Variants in APC observed in about 807,000 individuals in gnomAD.
APC encodes the protein adenomatous polyposis coli protein.
A neutral mutation model predicts 247.0 loss-of-function variants in APC; 72 were observed. The observed-to-expected ratio is 0.29, with a 90% CI of 0.24 to 0.35. The LOEUF (loss-of-function observed/expected upper bound fraction) is 0.35, where lower values mean the gene tolerates loss of function less well. APC is among the 10% of genes least tolerant of loss of function. APC has a pLI of 1.00. For missense variants in APC, 3,400 were observed against 3,360.7 expected, an observed-to-expected ratio of 1.01 and a Z score of -0.29; for synonymous variants, 1,254 against 1,162.5, an observed-to-expected ratio of 1.08 and a Z score of -1.60.
At chr5:112,738,739 TA>T (rs1473155869) in intron 1 of APC, among the ~76,000 whole-genome samples, 1 of 152,200 alleles carries the variant, frequency 6.6e-6, no homozygotes, top group Non-Finnish European at 1.5e-5. Flanking sequence ...CCATAGTTTA[TA>T]AATGCAGCCT....
intron 1 of APC, among the ~76,000 whole-genome samples, chr5:112,732,652 T>A (rs191218506): frequency 6.6e-6 from 1 of 152,266 alleles, no homozygotes; most frequent in African/African-American, 2.4e-5. Flanking sequence ...ATATACACCA[T>A]GAGATATGAG....
rs878853424 is a variant in APC, at chr5:112,837,814, C to T, written c.2220C>T (p.Ala740=). ...ATAGGCCTGCGAAGTACAAGGATGC[C>T]AATATTATGTCTCCTGGCTCAAGCT... The part of the protein sequence containing the change: ...MANRPAKYKD[A]NIMSPGSSLP... Residue 740 remains alanine, a synonymous_variant, in exon 16 of 16, where the codon GCC becomes GCT. Transcript: ENST00000257430. 1 of 1,613,900 alleles carries T rather than the reference C, an allele frequency of 6.2e-7. No individual in the cohort carries two copies. The highest frequency in any genetic ancestry group is 8.5e-7 in the Non-Finnish European group (1 of 1,180,010).
chr5:112,776,608 A>G (rs1367184983), intron 5 of APC, among the ~76,000 whole-genome samples: 1 of 152,114 alleles, frequency 6.6e-6, no homozygotes, highest in Non-Finnish European at 1.5e-5. Flanking sequence ...GAGGCTGAGA[A>G]AGGTGGATCA....
chr5:112,837,128 A>T (rs545740420), intron 15 of APC, among the ~76,000 whole-genome samples: 1 of 152,214 alleles, frequency 6.6e-6, no homozygotes, highest in Non-Finnish European at 1.5e-5. Context: ...TCTTCAATCA[A>T]TTCTATCTAC....
upstream of APC, among the ~76,000 whole-genome samples, chr5:112,735,498 TAC>T (rs1024227739): frequency 1.9e-5 from 2 of 104,750 alleles, no homozygotes; most frequent in African/African-American, 6.8e-5. Flanking sequence ...TTTTAATGCA[TAC>T]ATATATATAT....
chr5:112,737,137 T>G (rs1752441162), upstream of APC, among the ~76,000 whole-genome samples: 1 of 152,238 alleles, frequency 6.6e-6, no homozygotes, highest in Admixed American at 6.5e-5. Flanking sequence ...AAGCCTCAGA[T>G]TTGTAGTAGC....
chr5:112,829,131 C>A, intron 14 of APC, 159 bp downstream of exon 14: 1 of 584,128 alleles, frequency 1.7e-6, no homozygotes, highest in Non-Finnish European at 3.1e-6. Flanking sequence ...CTTCTTTTAG[C>A]CATGAGATTC....
intron 7 of APC, among the ~76,000 whole-genome samples, chr5:112,794,782 C>T (rs1760022561): frequency 6.6e-6 from 1 of 152,182 alleles, no homozygotes; most frequent in African/African-American, 2.4e-5. Context: ...CAGTGTGTTA[C>T]AAATTCCAGG....
At chr5:112,783,249 A>G (rs1758546968) in intron 6 of APC, among the ~76,000 whole-genome samples, 1 of 152,208 alleles carries the variant, frequency 6.6e-6, no homozygotes, top group Admixed American at 6.5e-5. Context: ...TGTTCACATA[A>G]GCGCTGATAC....
intron 8 of APC, among the ~76,000 whole-genome samples, chr5:112,803,323 A>G (rs1276415708): frequency 6.6e-6 from 1 of 152,184 alleles, no homozygotes; most frequent in Non-Finnish European, 1.5e-5. Flanking sequence ...ACATGTTTGA[A>G]GAGATTCATC....
In APC at chr5:112,840,887, T is replaced by G. The variant is rs1765914724; in HGVS notation, c.5293T>G (p.Leu1765Val). Residue 1765 changes from leucine to valine, a missense_variant, in exon 16 of 16, where the codon TTA (leucine) becomes GTA (valine). Around this residue, in one of 9 missense-constraint regions of APC, gnomAD observed 1,788 missense variants for 1,649.5 expected, o/e 1.08. Transcript: ENST00000257430. The surrounding 1 kb of genome is among the most constrained non-coding windows in gnomAD (Gnocchi z 4.1). ...ASSSAPNKNQ[L>V]DGKKKKPTSP... Reference sequence around the variant, plus strand: ...TTCTTCTGCACCCAACAAAAATCAGTTAGATGGTAAGAAAAAGAAACCAAC... The same window carrying G: ...TTCTTCTGCACCCAACAAAAATCAGGTAGATGGTAAGAAAAAGAAACCAAC... 6.2e-7 allele frequency: 1 copy of G among 1,613,806 alleles called. No homozygotes were observed. The highest frequency in any genetic ancestry group is 1.1e-5 in the South Asian group (1 of 91,078).
chr5:112,772,302 T>C (rs1051940068), intron 4 of APC, among the ~76,000 whole-genome samples: 1 of 152,206 alleles, frequency 6.6e-6, no homozygotes, highest in Non-Finnish European at 1.5e-5. Context: ...TATGAACTGC[T>C]GTTGTGTGAG....
At chr5:112,744,619 T>TAA (rs1395194368) in intron 1 of APC, among the ~76,000 whole-genome samples, 3 of 152,124 alleles carry the variant, frequency 2.0e-5, no homozygotes, top group Non-Finnish European at 4.4e-5. Context: ...AGCTGGGCCT[T>TAA]AAAGGATGAG....
intron 1 of APC, among the ~76,000 whole-genome samples, chr5:112,720,447 A>C (rs1277324105): frequency 6.6e-6 from 1 of 152,230 alleles, no homozygotes; most frequent in African/African-American, 2.4e-5. Context: ...TGAGGTGGAC[A>C]GAGAATTTTA....
At chr5:112,794,328 G>A (rs543267585) in intron 7 of APC, among the ~76,000 whole-genome samples, 2 of 152,290 alleles carry the variant, frequency 1.3e-5, no homozygotes, top group South Asian at 4.1e-4. Flanking sequence ...CAATCTGCCT[G>A]TCTTGGCCTT....
chr5:112,830,517 C>G (rs1040964623), intron 14 of APC, among the ~76,000 whole-genome samples: 1 of 152,208 alleles, frequency 6.6e-6, no homozygotes, highest in African/African-American at 2.4e-5. Flanking sequence ...TAAACATACA[C>G]CTGCCATATG....
chr5:112,730,798 C>T (rs569818933), intron 1 of APC, among the ~76,000 whole-genome samples: 4 of 152,110 alleles, frequency 2.6e-5, no homozygotes, highest in African/African-American at 9.6e-5. Flanking sequence ...ATTTCTCTCT[C>T]CTCTAATGTT....
chr5:112,789,704 A>G (rs1048376072), intron 6 of APC, among the ~76,000 whole-genome samples: 16 of 152,332 alleles, frequency 1.1e-4, no homozygotes, highest in Middle Eastern at 3.4e-3. Context: ...TAGCTTGGCT[A>G]TTTCTCTAAA....
intron 2 of APC, among the ~76,000 whole-genome samples, chr5:112,755,666 C>T (rs1754890598): frequency 6.6e-6 from 1 of 152,196 alleles, no homozygotes; most frequent in African/African-American, 2.4e-5. Context: ...CTGATCACCT[C>T]CAAGACAGGT....
Sources: gnomAD v4.1 joint callset for allele counts (sites outside exome capture counted in the v4.1 genomes callset) on GRCh38, gnomAD v4.1.1 for gene constraint, gnomAD v4.1.1 regional missense constraint, Gnocchi (gnomAD v3.1) non-coding constraint, MANE v1.5 for transcripts, NCBI Gene and HGNC (gene_info 2026-07-23, HGNC 2026-07-21) for gene names.